The following CSDE1 variants were observed in gnomAD, a reference collection of about 807,000 sequenced individuals.
The protein encoded by CSDE1 is cold shock domain containing E1.
Under a neutral mutation model 89.3 loss-of-function variants are expected in CSDE1, and 17 were observed. The ratio of observed to expected loss-of-function variants is 0.19; its 90% CI spans 0.13 to 0.29. The LOEUF (loss-of-function observed/expected upper bound fraction) is 0.29, where lower values mean the gene tolerates loss of function less well. Among genes scored for constraint, CSDE1 ranks in the 10% least tolerant of loss-of-function variants. CSDE1 has a pLI of 1.00. For synonymous variants in CSDE1, 322 were observed against 332.8 expected, an observed-to-expected ratio of 0.97 and a Z score of 0.35; for missense variants, 672 against 984.2, an observed-to-expected ratio of 0.68 and a Z score of 4.24.
intron 16 of CSDE1, among the ~76,000 whole-genome samples, chr1:114,721,495 G>T (rs1195886623): frequency 3.3e-5 from 5 of 152,164 alleles, no homozygotes; most frequent in African/African-American, 4.8e-5. Context: ...CCAGGCAAAT[G>T]TACTCAGTCA....
At position 114,720,520 on chromosome 1, in the gene CSDE1, C is replaced by G; in HGVS notation, c.2052+19G>C. On this transcript the variant is annotated intron_variant, in intron 17 of 19. Transcript: ENST00000358528. ...CTCATAGAAGGATCAAATTCAGATA[C>G]AGAGATGCTGGCACTTACCTGATCT... The G allele has an allele frequency of 6.3e-7, 1 of 1,587,902 alleles. No homozygotes were observed. Among genetic ancestry groups the G allele is most frequent in the Non-Finnish European group, 8.6e-7 (1 of 1,163,292 alleles).
intron 5 of CSDE1, 121 bp from the exon 6 acceptor site, chr1:114,736,976 G>T (rs1314508374): frequency 8.9e-6 from 6 of 671,360 alleles, no homozygotes; most frequent in Non-Finnish European, 1.3e-5. Context: ...AAAATTAAAT[G>T]CTTTATGACA....
intron 5 of CSDE1, among the ~76,000 whole-genome samples, chr1:114,737,268 T>A (rs1027457469): frequency 3.3e-5 from 5 of 152,216 alleles, no homozygotes. Context: ...AAGGTCATAC[T>A]TGGGCAAACT....
At chr1:114,722,927 ATTCAGCACTTTATGT>A (rs1235976803) in intron 16 of CSDE1, among the ~76,000 whole-genome samples, 6 of 152,224 alleles carry the variant, frequency 3.9e-5, no homozygotes, top group African/African-American at 1.2e-4. Flanking sequence ...ATGACCTGCT[ATTCAGCACTTTATGT>A]TCGCTGACTC....
intron 3 of CSDE1, 73 bp from the exon 4 acceptor site, chr1:114,738,145 T>G: frequency 8.8e-7 from 1 of 1,137,330 alleles, no homozygotes; most frequent in Non-Finnish European, 1.3e-6. Context: ...AAGCTATACT[T>G]AACATAGCAT....
chr1:114,749,536 T>C (rs1661192653), intron 2 of CSDE1, among the ~76,000 whole-genome samples: 1 of 152,218 alleles, frequency 6.6e-6, no homozygotes, highest in Non-Finnish European at 1.5e-5. Flanking sequence ...ATGCACATTC[T>C]TATTTGAAAT....
Position 114,739,806 on chromosome 1 carries a change from C to T in CSDE1, c.85G>A (p.Val29Ile), listed in dbSNP as rs1478149449. 1.2e-6 allele frequency: 2 copies of T among 1,613,988 alleles called. No individual in the cohort carries two copies. The highest frequency in any genetic ancestry group is 1.7e-6 in the Non-Finnish European group (2 of 1,179,898). The stretch of plus-strand genomic sequence containing the variant: ...TAAGAGGTTAACAGTTTTTCAATAA[C>T]CCCAGTTTCACGCAGTGCTGCTGAA... ...GTSAALRETG[V>I]IEKLLTSYGF... Residue 29 changes from valine (V) to isoleucine (I), a missense_variant, in exon 3 of 20, where the codon GTT becomes ATT. Transcript: ENST00000358528.
At chr1:114,735,594 C>A (rs1252719983) in intron 6 of CSDE1, among the ~76,000 whole-genome samples, 6 of 152,134 alleles carry the variant, frequency 3.9e-5, no homozygotes, top group African/African-American at 1.4e-4. Context: ...AATAACCACA[C>A]CTACAACACA....
chr1:114,745,147 T>C (rs1381479045), intron 2 of CSDE1, among the ~76,000 whole-genome samples: 4 of 152,314 alleles, frequency 2.6e-5, no homozygotes, highest in African/African-American at 7.2e-5. Context: ...TGGTAGTAAA[T>C]TGGTACAACC....
At position 114,730,335 on chromosome 1, in the gene CSDE1, G is replaced by A. The variant is rs1178464540; in HGVS notation, c.1279C>T (p.Arg427Cys). ...TVSFHSHSDH[R>C]FLGTVEKEAT... Reference sequence around the variant, plus strand: ...TCTTTTTCTACCGTGCCCAGAAAACGGTGATCTGAATGGGAATGAAATGAA... The same window carrying A: ...TCTTTTTCTACCGTGCCCAGAAAACAGTGATCTGAATGGGAATGAAATGAA... The change falls in exon 12 of 20, where the codon CGT (arginine) becomes TGT (cysteine). Residue 427 changes from arginine to cysteine, a missense_variant. By Grantham distance (180) the Arg-to-Cys change is radical. Around this residue, in one of 8 missense-constraint regions of CSDE1, gnomAD observed 169 missense variants for 262.9 expected, o/e 0.64. Transcript: ENST00000358528. The A allele has an allele frequency of 5.6e-6, 9 of 1,614,002 alleles. No individual in the cohort carries two copies. The highest frequency in any genetic ancestry group is 1.6e-4 in the Middle Eastern group (1 of 6,084).
chr1:114,733,392 G>T (rs1006430701), intron 9 of CSDE1, among the ~76,000 whole-genome samples: 2 of 152,040 alleles, frequency 1.3e-5, no homozygotes, highest in Non-Finnish European at 2.9e-5. Context: ...TGGGTGTGGT[G>T]GCATGCCCTT....
Position 114,718,912 on chromosome 1 carries a change from G to C in CSDE1, c.2217-167C>G, listed in dbSNP as rs889915054. ...AGACAGGACAGACAAGTTTGTTTAT[G>C]TATTATTATCCCCAACTCAAGGTCC... On this transcript the variant is annotated intron_variant, in intron 18 of 19. Transcript: ENST00000358528. 3 of 696,850 alleles carry C rather than the reference G, an allele frequency of 4.3e-6. No homozygotes were observed. The African/African-American group carries it at 5.4e-5, about 13-fold the overall frequency. The allele number at this position is 696,850 out of a possible 1,614,324, so 43.2% of individuals were successfully genotyped here.
At chr1:114,741,526 C>T in intron 2 of CSDE1, 1 of 1,545,046 alleles carries the variant, frequency 6.5e-7, no homozygotes, top group Non-Finnish European at 8.8e-7. Context: ...TCCTGACTTA[C>T]AGATCTCTGA....
At position 114,718,711 on chromosome 1, in the gene CSDE1, C is replaced by T; in HGVS notation, c.2251G>A (p.Asp751Asn). The T allele has an allele frequency of 6.2e-7, 1 of 1,614,176 alleles. No homozygotes were observed. Among genetic ancestry groups the T allele is most frequent in the Non-Finnish European group, 8.5e-7 (1 of 1,180,028 alleles). Residue 751 changes from aspartate (D) to asparagine (N), a missense_variant, in exon 19 of 20, where the codon GAT becomes AAT. Asp to Asn is a conservative substitution (Grantham distance 23). Coordinates refer to ENST00000358528, the MANE Select transcript of CSDE1 (RefSeq NM_001007553.3). ...TTCTTCAAGCGATTGACCAACCGATCAGGTCGAGGAGCTGCAACAGCCTTG... is the reference window on the plus strand; with the variant it reads ...TTCTTCAAGCGATTGACCAACCGATTAGGTCGAGGAGCTGCAACAGCCTTG... ...GPKAVAAPRP[D>N]RLVNRLKNIT...
At chr1:114,723,651 C>T (rs1272207955) in intron 16 of CSDE1, among the ~76,000 whole-genome samples, 1 of 152,176 alleles carries the variant, frequency 6.6e-6, no homozygotes, top group Non-Finnish European at 1.5e-5. Flanking sequence ...CTCATAGTTG[C>T]TCATGTATCA....
chr1:114,720,492 C>G, intron 17 of CSDE1, 47 bp downstream of exon 17: 1 of 1,462,574 alleles, frequency 6.8e-7, no homozygotes, highest in Non-Finnish European at 9.2e-7. Flanking sequence ...TTTTGGTTAC[C>G]AACTCATAGA....
rs1659245293 is a variant in CSDE1, at chr1:114,717,410, T to G, written c.*759A>C. On this transcript the variant is annotated 3_prime_UTR_variant, in exon 20 of 20. Coordinates refer to ENST00000358528, the MANE Select transcript of CSDE1 (RefSeq NM_001007553.3). ...AGTTTGTGCATTCATTTTTTTTGTT[T>G]TTGTTTAAATATGTTTAAATTATCA... 1 of 152,644 alleles carries G rather than the reference T, an allele frequency of 6.6e-6. No homozygotes were observed. The allele number at this position is 152,644 out of a possible 1,614,324, so 9.5% of individuals were successfully genotyped here.
intron 1 of CSDE1, among the ~76,000 whole-genome samples, chr1:114,757,396 C>T (rs1015049209): frequency 1.3e-5 from 2 of 152,104 alleles, no homozygotes; most frequent in Non-Finnish European, 2.9e-5. Flanking sequence ...GATTCCCAAG[C>T]AGGTAACGGC....
chr1:114,747,719 A>G (rs7531726), intron 2 of CSDE1, among the ~76,000 whole-genome samples: 151,283 of 152,202 alleles, frequency 0.99, 75,189 homozygotes, highest in East Asian at 1. Flanking sequence ...TAAGCCAGGC[A>G]TGGTGATGCG....
Sources: allele counts gnomAD v4.1 joint callset (sites outside exome capture counted in the v4.1 genomes callset), GRCh38; gene constraint gnomAD v4.1.1; regional missense constraint gnomAD v4.1.1; transcripts MANE v1.5; gene names NCBI Gene and HGNC (gene_info 2026-07-23, HGNC 2026-07-21).